NEK10: variants seen among roughly 807,000 people sequenced by gnomAD.
NEK10 encodes the protein serine/threonine-protein kinase Nek10.
In NEK10, 122 loss-of-function variants were observed where a neutral mutation model predicts 159.8. That is an observed-to-expected ratio of 0.76 (90% confidence interval 0.66 to 0.89). NEK10 has a LOEUF of 0.89. Ranked by LOEUF, NEK10 falls within the 40% of genes least tolerant of loss-of-function variation. NEK10 has a pLI of 0.00. For missense variants in NEK10, 1,342 were observed against 1,323.1 expected, an observed-to-expected ratio of 1.01 and a Z score of -0.22; for synonymous variants, 466 against 457.1, an observed-to-expected ratio of 1.02 and a Z score of -0.25.
At chr3:27,301,564 C>T (rs2043825256) in intron 13 of NEK10, 132 bp downstream of exon 13, 5 of 657,088 alleles carry the variant, frequency 7.6e-6, no homozygotes, top group South Asian at 6.1e-5. Context: ...TTCTGGCATC[C>T]ATGTGGATTT....
chr3:27,164,530 T>C (rs1361788691), intron 29 of NEK10, among the ~76,000 whole-genome samples: 1 of 152,248 alleles, frequency 6.6e-6, no homozygotes, highest in African/African-American at 2.4e-5. Flanking sequence ...TTTCAACATA[T>C]ACAAATTGAA....
chr3:27,139,443 G>A (rs1379104279), intron 31 of NEK10, among the ~76,000 whole-genome samples: 3 of 152,100 alleles, frequency 2.0e-5, no homozygotes, highest in Admixed American at 6.5e-5. Context: ...TGATCCAGGG[G>A]AATTCATGTA....
chr3:27,353,896 C>G (rs938342085), intron 1 of NEK10, among the ~76,000 whole-genome samples: 1 of 151,982 alleles, frequency 6.6e-6, no homozygotes, highest in Non-Finnish European at 1.5e-5. Flanking sequence ...TCTATTTTTA[C>G]TCTAAAAGAA....
chr3:27,331,262 A>AAAAAAAAC lies in NEK10; in HGVS notation c.363-9002_363-9001insGTTTTTTT. Among the ~76,000 whole-genome samples, 56 of 110,120 alleles carry AAAAAAAAC rather than the reference A, an allele frequency of 5.1e-4. 2 individuals carry two copies. The highest frequency in any genetic ancestry group is 6.1e-4 in the Non-Finnish European group (31 of 51,044). The allele number at this position is 110,120 out of a possible 152,430, so 72.2% of individuals were successfully genotyped here. On this transcript the variant is annotated intron_variant, in intron 5 of 35. Coordinates refer to ENST00000691995, the MANE Select transcript of NEK10 (RefSeq NM_001394966.1). ...CAAAAAAAAAAAAACAAAAAAAAAAAACACACAAACCTAAGACTTTTGAGG... is the reference window on the plus strand; with the variant it reads ...CAAAAAAAAAAAAACAAAAAAAAAAAAAAAAAACACACACAAACCTAAGACTTTTGAGG...
At chr3:27,284,523 A>G (rs2042431694) in intron 22 of NEK10, 79 bp downstream of exon 22, 1 of 824,176 alleles carries the variant, frequency 1.2e-6, no homozygotes. Flanking sequence ...ATGAGTGCCA[A>G]AAGTTCTACT....
At chr3:27,215,892 C>G (rs1381129288) in intron 23 of NEK10, 1 of 700,812 alleles carries the variant, frequency 1.4e-6, no homozygotes, top group Non-Finnish European at 2.7e-6. Context: ...TTTAAACAAC[C>G]AGATCACACG....
chr3:27,344,496 G>A (rs1235250338), intron 4 of NEK10, 126 bp from the exon 5 acceptor site: 2 of 473,642 alleles, frequency 4.2e-6, no homozygotes, highest in Non-Finnish European at 3.7e-6. Context: ...ATACTAATGA[G>A]GATTCAGGCA....
At chr3:27,255,247 C>T in intron 23 of NEK10, 1 of 413,064 alleles carries the variant, frequency 2.4e-6, no homozygotes, top group Non-Finnish European at 4.9e-6. Flanking sequence ...TATAAGCTTG[C>T]AGCTTACAAG....
intron 22 of NEK10, among the ~76,000 whole-genome samples, chr3:27,270,473 C>T (rs772701582): frequency 1.1e-4 from 16 of 152,138 alleles, no homozygotes; most frequent in Non-Finnish European, 2.4e-4. Flanking sequence ...TAAACTGCTC[C>T]TGGACTCCTG....
Position 27,174,669 on chromosome 3 carries a change from G to T in NEK10, c.2670C>A (p.Asn890Lys), listed in dbSNP as rs1279769735. Reference protein sequence around the residue: ...CDEILSDDNFNLENAEKDTYS... With the variant: ...CDEILSDDNFKLENAEKDTYS... ...CAGTACCTTTCTCAGCATTTTCCAGGTTGAAGTTATCATCTGACAGGATTT... is the reference window on the plus strand; with the variant it reads ...CAGTACCTTTCTCAGCATTTTCCAGTTTGAAGTTATCATCTGACAGGATTT... Residue 890 changes from asparagine (N) to lysine (K), a missense_variant, in exon 27 of 36, where the codon AAC (asparagine) becomes AAA (lysine). Asn to Lys is a moderately conservative substitution (Grantham distance 94, BLOSUM62 0). Transcript: ENST00000691995. 7 of 1,610,790 alleles carry T rather than the reference G, an allele frequency of 4.3e-6. No homozygotes were observed. Among genetic ancestry groups the T allele is most frequent in the Non-Finnish European group, 5.1e-6 (6 of 1,178,898 alleles).
intron 22 of NEK10, among the ~76,000 whole-genome samples, chr3:27,260,921 G>T (rs192421230): frequency 3.3e-4 from 50 of 152,266 alleles, no homozygotes; most frequent in African/African-American, 8.7e-4. Flanking sequence ...TCTATTCAGA[G>T]ATTCTACTTC....
chr3:27,218,604 C>CAAAA (rs534568582), intron 23 of NEK10, among the ~76,000 whole-genome samples: 6 of 67,424 alleles, frequency 8.9e-5, no homozygotes, highest in Non-Finnish European at 1.1e-4. Flanking sequence ...GTCTCCATCT[C>CAAAA]AAAAAAAAAA....
chr3:27,341,183 T>C (rs577625384), intron 5 of NEK10, among the ~76,000 whole-genome samples: 1 of 152,148 alleles, frequency 6.6e-6, no homozygotes, highest in Admixed American at 6.5e-5. Flanking sequence ...GAATAATAGA[T>C]ACCAGAGTCC....
intron 5 of NEK10, among the ~76,000 whole-genome samples, chr3:27,340,504 T>A (rs2047127639): frequency 1.3e-5 from 2 of 152,062 alleles, no homozygotes. Flanking sequence ...TGAACATGTA[T>A]ACCAGAACTT....
At chr3:27,128,569 C>T (rs1942240699) in intron 32 of NEK10, among the ~76,000 whole-genome samples, 3 of 152,036 alleles carry the variant, frequency 2.0e-5, no homozygotes, top group African/African-American at 7.2e-5. Context: ...TTCTTCTTTC[C>T]TATGTAAACA....
chr3:27,270,875 C>T (rs2149394389), intron 22 of NEK10, among the ~76,000 whole-genome samples: 1 of 142,328 alleles, frequency 7.0e-6, no homozygotes, highest in East Asian at 2.0e-4. Flanking sequence ...CTAGTACACA[C>T]TATAAAAAAA....
intron 30 of NEK10, among the ~76,000 whole-genome samples, chr3:27,157,691 C>T (rs1256064139): frequency 6.6e-6 from 1 of 152,124 alleles, no homozygotes; most frequent in African/African-American, 2.4e-5. Flanking sequence ...GGACTGACTC[C>T]AGTTTTTGTA....
At chr3:27,280,578 G>A (rs1003411685) in intron 22 of NEK10, among the ~76,000 whole-genome samples, 4 of 152,088 alleles carry the variant, frequency 2.6e-5, no homozygotes, top group Non-Finnish European at 4.4e-5. Context: ...GCAAACAGGC[G>A]CACATACCCC....
intron 32 of NEK10, among the ~76,000 whole-genome samples, chr3:27,121,754 A>G: frequency 6.6e-6 from 1 of 152,262 alleles, no homozygotes; most frequent in Middle Eastern, 3.4e-3. Context: ...GACAAAACTA[A>G]CCAAGGGTAA....
Sources: gnomAD v4.1 joint callset for allele counts (sites outside exome capture counted in the v4.1 genomes callset) on GRCh38, gnomAD v4.1.1 for gene constraint, MANE v1.5 for transcripts, NCBI Gene and HGNC (gene_info 2026-07-23, HGNC 2026-07-21) for gene names.